PLXNC1: variants seen among roughly 807,000 people sequenced by gnomAD.
PLXNC1 encodes plexin-C1.
A neutral mutation model predicts 178.2 loss-of-function variants in PLXNC1; 75 were observed. That is an observed-to-expected ratio of 0.42 (90% CI 0.35 to 0.51). The LOEUF is 0.51. PLXNC1 is among the 20% of genes least tolerant of loss of function. The pLI is 0.02. For synonymous variants in PLXNC1, 790 were observed against 779.9 expected (o/e 1.01, Z -0.22); for missense variants, 1,503 against 1,984.4 (o/e 0.76, Z 4.61).
intron 4 of PLXNC1, among the ~76,000 whole-genome samples, chr12:94,204,446 C>A (rs777821354): frequency 4.6e-5 from 7 of 152,162 alleles, no homozygotes; most frequent in African/African-American, 7.2e-5. Flanking sequence ...TAAAAAAAAT[C>A]TTTTAATTGT....
intron 21 of PLXNC1, among the ~76,000 whole-genome samples, chr12:94,268,588 CTTT>C (rs61265662): frequency 8.0e-4 from 73 of 90,872 alleles, no homozygotes; most frequent in African/African-American, 3.0e-3. Context: ...AGAATAAGAC[CTTT>C]TTTTTTTTTT....
Position 94,190,480 on chromosome 12 carries a change from A to G in PLXNC1, c.1439+4007A>G, listed in dbSNP as rs144423807. Among the ~76,000 whole-genome samples the G allele has an allele frequency of 2.6e-3, 394 of 152,096 alleles. 1 individual carries two copies. The highest frequency in any genetic ancestry group is 8.8e-3 in the African/African-American group (367 of 41,476). On this transcript the variant is annotated intron_variant, in intron 4 of 30. Transcript: ENST00000258526. Reference sequence around the variant, plus strand: ...GGTCTTGAACTCCTGGGCTCAAGCAATCCTCCTTCCTGGGCCTCCCAAAGT... The same window carrying G: ...GGTCTTGAACTCCTGGGCTCAAGCAGTCCTCCTTCCTGGGCCTCCCAAAGT...
chr12:94,189,253 G>A (rs1962633250), intron 4 of PLXNC1, among the ~76,000 whole-genome samples: 1 of 152,216 alleles, frequency 6.6e-6, no homozygotes, highest in Non-Finnish European at 1.5e-5. Flanking sequence ...GTAAGGAATG[G>A]ATGATGATAT....
At chr12:94,286,723 TTTAAAG>T (rs769093465) in intron 23 of PLXNC1, among the ~76,000 whole-genome samples, 2 of 152,018 alleles carry the variant, frequency 1.3e-5, no homozygotes, top group Non-Finnish European at 2.9e-5. Context: ...TTAGTTAGGT[TTTAAAG>T]TTAATCTGTA....
At chr12:94,298,947 C>A in intron 27 of PLXNC1, 152 bp downstream of exon 27, 1 of 690,910 alleles carries the variant, frequency 1.4e-6, no homozygotes, top group Non-Finnish European at 2.3e-6. Context: ...GTTTCTTATT[C>A]TGTTACTATT....
chr12:94,232,512 G>A lies in PLXNC1; in HGVS notation c.1981-5152G>A, dbSNP rs542789329. Among the ~76,000 whole-genome samples the A allele has an allele frequency of 2.6e-5, 4 of 152,264 alleles. No individual in the cohort carries two copies. In the South Asian group the frequency reaches 8.3e-4, roughly 32 times the overall value. On this transcript the variant is annotated intron_variant, in intron 9 of 30. Transcript: ENST00000258526. ...TATACCTTGCTGAGTAGCTTCTATGGGCCTAGCATAGAGCCGGGTACTGTA... is the reference window on the plus strand; with the variant it reads ...TATACCTTGCTGAGTAGCTTCTATGAGCCTAGCATAGAGCCGGGTACTGTA...
At chr12:94,298,907 T>G (rs1968197142) in intron 27 of PLXNC1, 112 bp downstream of exon 27, 2 of 1,046,296 alleles carry the variant, frequency 1.9e-6, no homozygotes, top group Admixed American at 3.0e-5. Context: ...ATCAGAATCT[T>G]TGGGCTTGGT....
At position 94,287,797 on chromosome 12, in the gene PLXNC1, T is replaced by C. The variant is rs80049517; in HGVS notation, c.3879+5396T>C. Reference sequence around the variant, plus strand: ...CAATCGCTAAAGGTCTGTTGCAGTGTGAATGTCTTTAGATATTCATTTAAC... The same window carrying C: ...CAATCGCTAAAGGTCTGTTGCAGTGCGAATGTCTTTAGATATTCATTTAAC... On this transcript the variant is annotated intron_variant, in intron 23 of 30. Coordinates refer to ENST00000258526, the MANE Select transcript of PLXNC1 (RefSeq NM_005761.3). Among the ~76,000 whole-genome samples the C allele has an allele frequency of 6.5e-3, 983 of 152,346 alleles. 15 individuals carry two copies. Among genetic ancestry groups the C allele is most frequent in the African/African-American group, 0.023 (940 of 41,578 alleles).
intron 15 of PLXNC1, 123 bp downstream of exon 15, chr12:94,251,651 C>A: frequency 1.4e-6 from 1 of 696,248 alleles, no homozygotes; most frequent in East Asian, 2.7e-5. Flanking sequence ...AAGCCCAAAT[C>A]AAAACTTTGA....
intron 3 of PLXNC1, among the ~76,000 whole-genome samples, 154 bp from the exon 4 acceptor site, chr12:94,186,219 C>T (rs987564156): frequency 6.6e-6 from 1 of 152,176 alleles, no homozygotes; most frequent in Non-Finnish European, 1.5e-5. Context: ...GACTTCATGT[C>T]CTAGATCTTG....
intron 2 of PLXNC1, among the ~76,000 whole-genome samples, chr12:94,175,480 A>G (rs1358336858): frequency 2.6e-5 from 4 of 152,056 alleles, no homozygotes; most frequent in Non-Finnish European, 5.9e-5. Flanking sequence ...CTGTCTTACA[A>G]TTGTATGGTG....
intron 1 of PLXNC1, among the ~76,000 whole-genome samples, chr12:94,154,195 G>A (rs1291888822): frequency 6.6e-6 from 1 of 152,152 alleles, no homozygotes; most frequent in Non-Finnish European, 1.5e-5. Flanking sequence ...TTCACCATAT[G>A]GGGCAAGGAC....
At chr12:94,228,286 T>C (rs537650106) in intron 9 of PLXNC1, among the ~76,000 whole-genome samples, 16 of 152,328 alleles carry the variant, frequency 1.1e-4, no homozygotes, top group African/African-American at 3.4e-4. Flanking sequence ...CCTTTTCTCA[T>C]CCCATTGGTT....
Position 94,211,292 on chromosome 12 carries a change from A to G in PLXNC1, c.1554+1588A>G, listed in dbSNP as rs1458823345. Among the ~76,000 whole-genome samples the G allele has an allele frequency of 2.0e-5, 3 of 152,046 alleles. No individual in the cohort carries two copies. The East Asian group carries it at 5.8e-4, about 29-fold the overall frequency. On this transcript the variant is annotated intron_variant, in intron 5 of 30. Coordinates refer to ENST00000258526, the MANE Select transcript of PLXNC1 (RefSeq NM_005761.3). Reference sequence around the variant, plus strand: ...GCCTCACTCTCTCCAGCTCACCACCACTCTCAAAGAAGATAAGAAGTTCGT... The same window carrying G: ...GCCTCACTCTCTCCAGCTCACCACCGCTCTCAAAGAAGATAAGAAGTTCGT...
At chr12:94,266,570 C>T (rs1221945932) in intron 21 of PLXNC1, among the ~76,000 whole-genome samples, 2 of 152,170 alleles carry the variant, frequency 1.3e-5, no homozygotes, top group African/African-American at 2.4e-5. Flanking sequence ...CCTGATGCTG[C>T]GGGTGCTGCT....
chr12:94,159,282 A>G (rs1195138435), intron 1 of PLXNC1, among the ~76,000 whole-genome samples: 1 of 152,238 alleles, frequency 6.6e-6, no homozygotes, highest in Admixed American at 6.5e-5. Flanking sequence ...CCTCACTGCA[A>G]CTTTACAAAA....
chr12:94,218,588 A>G (rs1311027660), intron 5 of PLXNC1, among the ~76,000 whole-genome samples: 1 of 152,172 alleles, frequency 6.6e-6, no homozygotes, highest in Non-Finnish European at 1.5e-5. Flanking sequence ...GTTAATTCCT[A>G]TAATTTCCCT....
At position 94,260,927 on chromosome 12, in the gene PLXNC1, C is replaced by A; in HGVS notation, c.3450+87C>A. 9.0e-7 allele frequency: 1 copy of A among 1,109,030 alleles called. No individual in the cohort carries two copies. 68.7% of individuals were successfully genotyped at this position (1,109,030 alleles called of 1,614,324 possible). A position where few individuals can be genotyped will look rare whatever the true frequency, so the allele number is the denominator to read the frequency against. ...CTCTGATGCCTTTGCCAGGATAAAT[C>A]CTGAATGCTCGATGGTGTCAGCACT... On this transcript the variant is annotated intron_variant, in intron 20 of 30. Transcript: ENST00000258526. The surrounding 1 kb of genome is among the most constrained non-coding windows in gnomAD (Gnocchi z 4.4).
chr12:94,201,748 C>CTTTTTTTTTTTTTT (rs10529488), intron 4 of PLXNC1, among the ~76,000 whole-genome samples: 1 of 54,498 alleles, frequency 1.8e-5, no homozygotes, highest in African/African-American at 7.3e-5. Context: ...CTTCCCACTA[C>CTTTTTTTTTTTTTT]TTTTTTTTTT....
Sources: gnomAD v4.1 joint callset for allele counts (sites outside exome capture counted in the v4.1 genomes callset) on GRCh38, gnomAD v4.1.1 for gene constraint, Gnocchi (gnomAD v3.1) non-coding constraint, MANE v1.5 for transcripts, NCBI Gene and HGNC (gene_info 2026-07-23, HGNC 2026-07-21) for gene names.